The following FBXL7 variants were observed in gnomAD, a reference collection of about 807,000 sequenced individuals.
FBXL7 encodes the protein F-box/LRR-repeat protein 7.
In FBXL7, 12 loss-of-function variants were observed where a neutral mutation model predicts 38.3. The observed-to-expected ratio is 0.31, with a 90% confidence interval of 0.20 to 0.51. The LOEUF (loss-of-function observed/expected upper bound fraction) is 0.51. Among genes scored for constraint, FBXL7 ranks in the 20% least tolerant of loss-of-function variants. The pLI, the probability that FBXL7 is intolerant of heterozygous loss-of-function variation, is 0.98. For synonymous variants in FBXL7, 297 were observed against 300.9 expected (o/e 0.99, Z 0.13); for missense variants, 567 against 676.4 (o/e 0.84, Z 1.79).
At chr5:15,744,448 G>T (rs1044769828) in intron 2 of FBXL7, among the ~76,000 whole-genome samples, 10 of 151,958 alleles carry the variant, frequency 6.6e-5, no homozygotes, top group African/African-American at 2.4e-4. Flanking sequence ...GGACTTCATT[G>T]TCCATATTAC....
chr5:15,693,389 T>C (rs968789836), intron 2 of FBXL7, among the ~76,000 whole-genome samples: 1 of 152,180 alleles, frequency 6.6e-6, no homozygotes, highest in Non-Finnish European at 1.5e-5. Context: ...TTTGGAAATA[T>C]TGGACAGGAT....
rs367844371 is a variant in FBXL7 at position 15,540,148 on chromosome 5, T to C, written c.37+39435T>C. On this transcript the variant is annotated intron_variant, in intron 1 of 3. Transcript: ENST00000504595. ...AAAAGCTCATGAGTCAGGGTTGTGG[T>C]TAACCTTCTGTTCTTGTCCCTCTAA... Among the ~76,000 whole-genome samples the C allele has an allele frequency of 1.6e-4, 24 of 152,306 alleles. No homozygotes were observed. The South Asian group carries it at 5.0e-3, about 32-fold the overall frequency.
intron 2 of FBXL7, among the ~76,000 whole-genome samples, chr5:15,669,926 A>G (rs1426200601): frequency 6.6e-6 from 1 of 152,190 alleles, no homozygotes; most frequent in Non-Finnish European, 1.5e-5. Context: ...CTGCAATGAA[A>G]TGTGAGTGGA....
chr5:15,740,059 CT>C (rs1449428802), intron 2 of FBXL7, among the ~76,000 whole-genome samples: 2 of 152,126 alleles, frequency 1.3e-5, no homozygotes, highest in African/African-American at 4.8e-5. Flanking sequence ...TTTTTATTAT[CT>C]TTTTGATGAT....
chr5:15,551,351 CT>C (rs1738064107), intron 1 of FBXL7, among the ~76,000 whole-genome samples: 1 of 152,208 alleles, frequency 6.6e-6, no homozygotes, highest in African/African-American at 2.4e-5. Flanking sequence ...CAGAAAGCCT[CT>C]GTTCTGTGCA....
At chr5:15,880,373 C>T (rs963470649) in intron 2 of FBXL7, among the ~76,000 whole-genome samples, 1 of 152,174 alleles carries the variant, frequency 6.6e-6, no homozygotes, top group African/African-American at 2.4e-5. Context: ...GGAGGGGAGT[C>T]CCCAACACAG....
At chr5:15,570,767 G>A (rs1738753421) in intron 1 of FBXL7, among the ~76,000 whole-genome samples, 1 of 152,192 alleles carries the variant, frequency 6.6e-6, no homozygotes, top group Admixed American at 6.5e-5. Context: ...TGAACTGTGT[G>A]TGCTGGTTCC....
At chr5:15,722,790 G>T (rs1315966651) in intron 2 of FBXL7, among the ~76,000 whole-genome samples, 3 of 152,084 alleles carry the variant, frequency 2.0e-5, no homozygotes, top group Non-Finnish European at 4.4e-5. Flanking sequence ...CAGCGTGGTG[G>T]TGCATGCCTG....
chr5:15,778,020 T>C (rs1055030503), intron 2 of FBXL7, among the ~76,000 whole-genome samples: 1 of 152,120 alleles, frequency 6.6e-6, no homozygotes, highest in Non-Finnish European at 1.5e-5. Flanking sequence ...GTATGTATTT[T>C]GGTTACCTAT....
chr5:15,535,144 A>G (rs554792539), intron 1 of FBXL7, among the ~76,000 whole-genome samples: 1 of 152,308 alleles, frequency 6.6e-6, no homozygotes, highest in African/African-American at 2.4e-5. Context: ...GAGGCCTCCC[A>G]AGGCATGCAG....
chr5:15,558,940 A>G (rs577636814), intron 1 of FBXL7, among the ~76,000 whole-genome samples: 49 of 152,224 alleles, frequency 3.2e-4, no homozygotes, highest in Non-Finnish European at 6.3e-4. Context: ...TGATCTCCAC[A>G]AGGTACTTAA....
At chr5:15,518,049 G>A (rs1166176909) in intron 1 of FBXL7, among the ~76,000 whole-genome samples, 1 of 152,120 alleles carries the variant, frequency 6.6e-6, no homozygotes, top group Non-Finnish European at 1.5e-5. Flanking sequence ...GGAGTGCAGT[G>A]GCATGATCTT....
chr5:15,854,223 A>G (rs1739186785), intron 2 of FBXL7, among the ~76,000 whole-genome samples: 1 of 152,230 alleles, frequency 6.6e-6, no homozygotes, highest in South Asian at 2.1e-4. Context: ...GGGCCTCAGC[A>G]CAGTGGGTTC....
intron 2 of FBXL7, among the ~76,000 whole-genome samples, chr5:15,714,848 CAAAAAAAAAAAA>C (rs35229749): frequency 1.3e-5 from 1 of 76,668 alleles, no homozygotes; most frequent in African/African-American, 5.4e-5. Flanking sequence ...GAGTCCGTCT[CAAAAAAAAAAAA>C]AAAAAAAAAG....
At chr5:15,805,181 A>C (rs567557995) in intron 2 of FBXL7, among the ~76,000 whole-genome samples, 1 of 152,122 alleles carries the variant, frequency 6.6e-6, no homozygotes, top group Non-Finnish European at 1.5e-5. Flanking sequence ...TAAAGACCCT[A>C]TCTCCAATTA....
intron 2 of FBXL7, among the ~76,000 whole-genome samples, chr5:15,782,584 G>A (rs1449844708): frequency 6.6e-6 from 1 of 152,132 alleles, no homozygotes; most frequent in Non-Finnish European, 1.5e-5. Context: ...CAGTGATGAT[G>A]AGCCTTTTTT....
At position 15,685,263 on chromosome 5, in the gene FBXL7, T is replaced by A. The variant is rs1230946343; in HGVS notation, c.127+69191T>A. On this transcript the variant is annotated intron_variant, in intron 2 of 3. Coordinates refer to ENST00000504595, the MANE Select transcript of FBXL7 (RefSeq NM_012304.5). Reference sequence around the variant, plus strand: ...TACGCTGGGATGCAGTCTTTGAACATGATATTAAGCACCTAAAATATACCA... The same window carrying A: ...TACGCTGGGATGCAGTCTTTGAACAAGATATTAAGCACCTAAAATATACCA... Among the ~76,000 whole-genome samples, 6 of 152,304 alleles carry A rather than the reference T, an allele frequency of 3.9e-5. No homozygotes were observed. In the East Asian group the frequency reaches 9.7e-4, roughly 25 times the overall value.
intron 2 of FBXL7, among the ~76,000 whole-genome samples, chr5:15,676,831 A>G (rs1046075849): frequency 6.6e-6 from 1 of 152,134 alleles, no homozygotes; most frequent in Non-Finnish European, 1.5e-5. Context: ...CGTGTCCCCA[A>G]GTAAATGTTC....
chr5:15,793,507 A>G (rs1050784383), intron 2 of FBXL7, among the ~76,000 whole-genome samples: 24 of 152,164 alleles, frequency 1.6e-4, no homozygotes, highest in African/African-American at 5.8e-4. Flanking sequence ...GTATTCCAAG[A>G]TCATCATTTT....
Sources: gnomAD v4.1 joint callset for allele counts (sites outside exome capture counted in the v4.1 genomes callset) on GRCh38, gnomAD v4.1.1 for gene constraint, MANE v1.5 for transcripts, NCBI Gene and HGNC (gene_info 2026-07-23, HGNC 2026-07-21) for gene names.